The following RANBP17 variants were observed in gnomAD, a reference collection of about 807,000 sequenced individuals.
RANBP17 encodes ran-binding protein 17.
A neutral mutation model predicts 141.2 loss-of-function variants in RANBP17; 158 were observed. The observed-to-expected ratio is 1.12, with a 90% confidence interval of 0.98 to 1.28. RANBP17 has a LOEUF of 1.28. Among genes scored for constraint, RANBP17 ranks in the 50% most tolerant of loss-of-function variants. The pLI is 0.00. For missense variants in RANBP17, 1,438 were observed against 1,290.7 expected (o/e 1.11, Z -1.75); for synonymous variants, 430 against 450.0 (o/e 0.96, Z 0.56).
chr5:170,988,668 G>T (rs1171641954), intron 14 of RANBP17, among the ~76,000 whole-genome samples: 1 of 151,462 alleles, frequency 6.6e-6, no homozygotes, highest in African/African-American at 2.4e-5. Flanking sequence ...CCTGATAAAA[G>T]ATTTTCATAA....
chr5:171,111,983 A>C (rs561917025), intron 14 of RANBP17, among the ~76,000 whole-genome samples: 40 of 152,280 alleles, frequency 2.6e-4, no homozygotes, highest in African/African-American at 9.4e-4. Context: ...AAAAATAGCA[A>C]ATTACAGGTG....
intron 4 of RANBP17, among the ~76,000 whole-genome samples, chr5:170,895,176 C>G (rs748888065): frequency 2.8e-4 from 43 of 151,910 alleles, no homozygotes; most frequent in African/African-American, 8.2e-4. Flanking sequence ...TTTTTTTGTT[C>G]TGAGATAATT....
At chr5:170,998,024 C>T (rs971361578) in intron 14 of RANBP17, among the ~76,000 whole-genome samples, 4 of 150,386 alleles carry the variant, frequency 2.7e-5, no homozygotes, top group South Asian at 2.1e-4. Flanking sequence ...CTGAGGCGGG[C>T]GGATCACATG....
intron 22 of RANBP17, among the ~76,000 whole-genome samples, chr5:171,227,013 A>C (rs895145238): frequency 6.6e-6 from 1 of 152,096 alleles, no homozygotes; most frequent in Non-Finnish European, 1.5e-5. Context: ...GCCATTCCCC[A>C]TCTCTTCCCT....
chr5:171,252,239 A>T (rs948553222), intron 24 of RANBP17: 80 of 1,572,836 alleles, frequency 5.1e-5, no homozygotes, highest in Middle Eastern at 4.4e-4. Context: ...TTACAAGAAG[A>T]GAGAAAGCAA....
At chr5:171,127,024 G>A (rs1756521003) in intron 14 of RANBP17, among the ~76,000 whole-genome samples, 1 of 151,990 alleles carries the variant, frequency 6.6e-6, no homozygotes, top group South Asian at 2.1e-4. Flanking sequence ...AAGAACACAA[G>A]AAAACATAAA....
At chr5:170,983,426 G>T (rs1438652230) in intron 14 of RANBP17, among the ~76,000 whole-genome samples, 1 of 152,144 alleles carries the variant, frequency 6.6e-6, no homozygotes, top group African/African-American at 2.4e-5. Context: ...AAACATTTGT[G>T]CACAAAAGGG....
intron 14 of RANBP17, among the ~76,000 whole-genome samples, chr5:171,088,040 A>T (rs1404862345): frequency 6.7e-6 from 1 of 150,252 alleles, no homozygotes. Flanking sequence ...TCGTTAGTTG[A>T]TGCAGTTTCT....
chr5:171,013,068 G>A (rs1319286129), intron 14 of RANBP17, among the ~76,000 whole-genome samples: 7 of 152,174 alleles, frequency 4.6e-5, no homozygotes, highest in Admixed American at 4.6e-4. Flanking sequence ...AAGACATATT[G>A]CATTGAGTGT....
chr5:171,281,674 C>G (rs899239636), intron 25 of RANBP17, among the ~76,000 whole-genome samples: 4 of 152,102 alleles, frequency 2.6e-5, no homozygotes, highest in African/African-American at 9.7e-5. Flanking sequence ...AGGAAAAGTC[C>G]CTAGCACAGT....
At chr5:171,126,918 C>A (rs1189584562) in intron 14 of RANBP17, among the ~76,000 whole-genome samples, 1 of 152,170 alleles carries the variant, frequency 6.6e-6, no homozygotes, top group Non-Finnish European at 1.5e-5. Flanking sequence ...ATATCTCACA[C>A]CAATGCTTTT....
intron 24 of RANBP17, among the ~76,000 whole-genome samples, chr5:171,243,556 G>A (rs1190203267): frequency 2.6e-5 from 4 of 152,062 alleles, no homozygotes; most frequent in African/African-American, 4.8e-5. Context: ...GGATTTCTAG[G>A]TTATATGCTA....
In RANBP17 at chr5:170,953,653, T is replaced by A; in HGVS notation, c.1525T>A (p.Tyr509Asn). ...VGTVVGGRLT[Y>N]TSTDEHDAMD... is the part of the protein sequence containing the mutation. ...GACAGTTGTAGGAGGAAGATTAACA[T>A]ATACCAGTACAGATGAGCATGATGC... is the stretch of plus-strand genomic sequence containing the variant. The change falls in exon 13 of 28, where the codon TAT becomes AAT. Residue 509 changes from tyrosine (Y) to asparagine (N), a missense_variant. Physicochemically the swap from Tyr to Asn is moderately radical, Grantham distance 143. Transcript: ENST00000523189. 6.2e-7 allele frequency: 1 copy of A among 1,612,026 alleles called. No individual in the cohort carries two copies. Among genetic ancestry groups the A allele is most frequent in the Non-Finnish European group, 8.5e-7 (1 of 1,178,290 alleles).
At chr5:171,240,822 G>A in intron 22 of RANBP17, 106 bp from the exon 23 acceptor site, 7 of 652,042 alleles carry the variant, frequency 1.1e-5, no homozygotes, top group Non-Finnish European at 1.3e-5. Flanking sequence ...AAATATGCTG[G>A]GAGGAAGTGA....
chr5:170,940,392 T>C (rs1006902600), intron 12 of RANBP17, among the ~76,000 whole-genome samples: 7 of 152,302 alleles, frequency 4.6e-5, no homozygotes, highest in Admixed American at 4.6e-4. Flanking sequence ...AGCACTGACA[T>C]GATGCTCAGA....
chr5:171,251,991 T>A lies in RANBP17; in HGVS notation c.2776+9171T>A, dbSNP rs1269937466. The A allele has an allele frequency of 2.5e-6, 4 of 1,609,464 alleles. No individual in the cohort carries two copies. In the African/African-American group the frequency reaches 5.3e-5, roughly 22 times the overall value. On this transcript the variant is annotated intron_variant, in intron 24 of 27. Transcript: ENST00000523189. Reference sequence around the variant, plus strand: ...CAGTTCTTCAAGCACTTTATTTTTGTCGTCCATTTCGGGAAACAGTTCTTG... The same window carrying A: ...CAGTTCTTCAAGCACTTTATTTTTGACGTCCATTTCGGGAAACAGTTCTTG...
At chr5:171,193,709 G>A (rs1382588908) in intron 18 of RANBP17, among the ~76,000 whole-genome samples, 5 of 152,082 alleles carry the variant, frequency 3.3e-5, no homozygotes, top group African/African-American at 4.8e-5. Context: ...CTCCAGCAGC[G>A]TCAGGCCAAA....
chr5:171,072,322 T>C (rs779659), intron 14 of RANBP17, among the ~76,000 whole-genome samples: 92,515 of 151,534 alleles, frequency 0.61, 29,567 homozygotes, highest in South Asian at 0.88. Context: ...GCCAGGGAGA[T>C]GTCTGACAAA....
At chr5:171,258,284 G>A (rs2128011529) in intron 24 of RANBP17, among the ~76,000 whole-genome samples, 1 of 152,184 alleles carries the variant, frequency 6.6e-6, no homozygotes, top group Non-Finnish European at 1.5e-5. Context: ...TGGATCGGAA[G>A]AATATTGTTA....
Sources: gnomAD v4.1 joint callset for allele counts (sites outside exome capture counted in the v4.1 genomes callset) on GRCh38, gnomAD v4.1.1 for gene constraint, MANE v1.5 for transcripts, NCBI Gene and HGNC (gene_info 2026-07-23, HGNC 2026-07-21) for gene names.